Variants in NAALADL2 observed in about 807,000 individuals in gnomAD.
The protein encoded by NAALADL2 is N-acetylated alpha-linked acidic dipeptidase like 2.
In NAALADL2, 76 loss-of-function variants were observed where a neutral mutation model predicts 87.2. The observed-to-expected ratio is 0.87, with a 90% CI of 0.72 to 1.05. The LOEUF (loss-of-function observed/expected upper bound fraction) is 1.05. Ranked by LOEUF, NAALADL2 falls within the 50% of genes least tolerant of loss-of-function variation. NAALADL2 has a pLI of 0.00. For missense variants in NAALADL2, 1,089 were observed against 945.8 expected (o/e 1.15, Z -1.99); for synonymous variants, 354 against 331.0 (o/e 1.07, Z -0.75).
intron 9 of NAALADL2, among the ~76,000 whole-genome samples, chr3:175,529,870 T>C (rs1163420307): frequency 6.6e-6 from 1 of 152,148 alleles, no homozygotes; most frequent in East Asian, 1.9e-4. Context: ...AGAGTAAGTG[T>C]CTATTCCAGT....
chr3:175,271,611 G>A (rs897174703), intron 4 of NAALADL2, among the ~76,000 whole-genome samples: 2 of 152,116 alleles, frequency 1.3e-5, no homozygotes, highest in Non-Finnish European at 2.9e-5. Flanking sequence ...GGCCAAGATG[G>A]TGAAACCCCA....
At chr3:175,587,001 C>A (rs1399036378) in intron 10 of NAALADL2, among the ~76,000 whole-genome samples, 1 of 152,098 alleles carries the variant, frequency 6.6e-6, no homozygotes, top group Non-Finnish European at 1.5e-5. Context: ...TTTGAACAAT[C>A]CAAATGATTA....
chr3:174,451,953 G>A lies in NAALADL2; in HGVS notation c.-184+10921G>A, dbSNP rs562382361. ...CGCCTCTCGGGTTCAAGAGATTCTC[G>A]TGCCTCAGCCTCCCGAGTAGCTGGG... is the stretch of plus-strand genomic sequence containing the variant. On this transcript the variant is annotated intron_variant, in intron 1 of 3. Coordinates refer to the NAALADL2 transcript ENST00000434257. 6.3e-5 allele frequency among the ~76,000 whole-genome samples: 9 copies of A among 141,890 alleles called. No homozygotes were observed. In the South Asian group the frequency reaches 1.3e-3, roughly 21 times the overall value. 93.1% of individuals were successfully genotyped at this position (141,890 alleles called of 152,430 possible).
intron 4 of NAALADL2, among the ~76,000 whole-genome samples, chr3:175,305,997 A>G (rs1757678259): frequency 6.6e-6 from 1 of 152,080 alleles, no homozygotes; most frequent in Admixed American, 6.6e-5. Flanking sequence ...ACATATTGCT[A>G]GGATTTCATT....
At chr3:174,803,996 T>C (rs2109262731) in intron 3 of NAALADL2, among the ~76,000 whole-genome samples, 1 of 152,306 alleles carries the variant, frequency 6.6e-6, no homozygotes, top group African/African-American at 2.4e-5. Context: ...TTTTTTCTAA[T>C]TCTGTGAAGA....
At chr3:174,690,489 C>A (rs1010694885) in intron 2 of NAALADL2, among the ~76,000 whole-genome samples, 1 of 152,132 alleles carries the variant, frequency 6.6e-6, no homozygotes, top group Admixed American at 6.5e-5. Flanking sequence ...AAGTCTGCTT[C>A]TCTCTGCTGT....
intron 10 of NAALADL2, among the ~76,000 whole-genome samples, chr3:175,597,938 A>C (rs1722457401): frequency 6.6e-6 from 1 of 152,078 alleles, no homozygotes; most frequent in Non-Finnish European, 1.5e-5. Context: ...ACTCTTAAAG[A>C]ATATGAACAT....
upstream of NAALADL2, chr3:174,859,134 G>T (rs890820033): frequency 1.7e-5 from 6 of 355,822 alleles, no homozygotes; most frequent in Admixed American, 2.2e-4. Context: ...TGAAAGTAGA[G>T]AATTAAAAGT....
At chr3:175,281,848 C>T (rs1754347863) in intron 4 of NAALADL2, among the ~76,000 whole-genome samples, 1 of 151,934 alleles carries the variant, frequency 6.6e-6, no homozygotes, top group African/African-American at 2.4e-5. Flanking sequence ...CTGGAATGCT[C>T]AACTTCTTCT....
At chr3:175,102,628 TAATAA>T (rs1489785647) in intron 2 of NAALADL2, among the ~76,000 whole-genome samples, 2 of 152,158 alleles carry the variant, frequency 1.3e-5, no homozygotes, top group African/African-American at 4.8e-5. Flanking sequence ...AATGAATAAA[TAATAA>T]AATACAATCT....
rs5854584 is a variant in NAALADL2 at position 174,628,474 on chromosome 3, CAAAA to C, written c.-115+77857_-115+77860del. ...CCCAGGTGACAGTGCGAGACTGTCTCAAAAAAAAAAAAAAAAAAAAAAAGATTAT... is the reference window on the plus strand; with the variant it reads ...CCCAGGTGACAGTGCGAGACTGTCTCAAAAAAAAAAAAAAAAAAAGATTAT... On this transcript the variant is annotated intron_variant, in intron 2 of 3. Transcript: ENST00000434257. Among the ~76,000 whole-genome samples, 779 of 86,592 alleles carry C rather than the reference CAAAA, an allele frequency of 9.0e-3. 4 individuals are homozygous for C. Among genetic ancestry groups the C allele is most frequent in the African/African-American group, 0.03 (680 of 22,310 alleles). The allele number at this position is 86,592 out of a possible 152,430, so 56.8% of individuals were successfully genotyped here.
At chr3:174,464,101 T>C (rs1417643976) in intron 1 of NAALADL2, among the ~76,000 whole-genome samples, 1 of 152,182 alleles carries the variant, frequency 6.6e-6, no homozygotes, top group Non-Finnish European at 1.5e-5. Context: ...CATCTCATTT[T>C]TGAGCTATAG....
intron 5 of NAALADL2, among the ~76,000 whole-genome samples, chr3:175,388,715 T>C (rs1768718973): frequency 6.6e-6 from 1 of 152,092 alleles, no homozygotes. Flanking sequence ...CTCATATAAA[T>C]TTTGGTTTCA....
chr3:175,641,235 A>C (rs1729246399), intron 11 of NAALADL2, among the ~76,000 whole-genome samples: 1 of 152,098 alleles, frequency 6.6e-6, no homozygotes, highest in African/African-American at 2.4e-5. Flanking sequence ...TTTCCTGGAG[A>C]TGCTTTATAA....
At chr3:175,409,824 A>T (rs1713144455) in intron 5 of NAALADL2, among the ~76,000 whole-genome samples, 2 of 152,082 alleles carry the variant, frequency 1.3e-5, no homozygotes, top group African/African-American at 2.4e-5. Context: ...TAATTAGATT[A>T]TGCATTTGTT....
intron 1 of NAALADL2, among the ~76,000 whole-genome samples, chr3:175,050,950 A>T (rs1237656210): frequency 6.6e-6 from 1 of 152,248 alleles, no homozygotes; most frequent in Non-Finnish European, 1.5e-5. Context: ...TAATAGAGGC[A>T]TAAGAGCTGC....
intron 2 of NAALADL2, among the ~76,000 whole-genome samples, chr3:175,175,110 T>G (rs1735520125): frequency 5.3e-5 from 8 of 152,018 alleles, no homozygotes; most frequent in Admixed American, 5.2e-4. Flanking sequence ...ACAAATTCTA[T>G]CCAGTAAAGA....
Position 174,890,144 on chromosome 3 carries a change from C to T in NAALADL2, c.43+30694C>T, listed in dbSNP as rs143312321. 3.0e-3 allele frequency among the ~76,000 whole-genome samples: 453 copies of T among 151,916 alleles called. 2 individuals are homozygous for T. Among genetic ancestry groups the T allele is most frequent in the African/African-American group, 0.011 (439 of 41,400 alleles). On this transcript the variant is annotated intron_variant, in intron 1 of 13. Transcript: ENST00000454872. The stretch of plus-strand genomic sequence containing the variant: ...CACGATGACGTTTCTAGTAATCTCT[C>T]ATAATATCTTAATGAAATAGATTAT...
chr3:175,307,112 A>C, intron 4 of NAALADL2, among the ~76,000 whole-genome samples: 1 of 152,116 alleles, frequency 6.6e-6, no homozygotes, highest in Non-Finnish European at 1.5e-5. Context: ...CCAGTATTCT[A>C]TTGTCACTAT....
Sources: allele counts gnomAD v4.1 joint callset (sites outside exome capture counted in the v4.1 genomes callset), GRCh38; gene constraint gnomAD v4.1.1; transcripts MANE v1.5; gene names NCBI Gene and HGNC (gene_info 2026-07-23, HGNC 2026-07-21).